CSMD2: variants seen among roughly 807,000 people sequenced by gnomAD.
The protein encoded by CSMD2 is CUB and sushi domain-containing protein 2.
CSMD2 carries 130 observed loss-of-function variants against 398.5 expected under a neutral mutation model. The observed-to-expected ratio is 0.33, with a 90% CI of 0.28 to 0.38. The LOEUF is 0.38. Among genes scored for constraint, CSMD2 ranks in the 10% least tolerant of loss-of-function variants. The probability of loss-of-function intolerance (pLI) is 1.00; values close to 1 mark genes in which losing one functional copy is unlikely to be tolerated. For missense variants in CSMD2, 3,829 were observed against 4,764.9 expected, an observed-to-expected ratio of 0.80 and a Z score of 5.78; for synonymous variants, 1,828 against 1,908.5, an observed-to-expected ratio of 0.96 and a Z score of 1.10.
intron 37 of CSMD2, among the ~76,000 whole-genome samples, chr1:33,618,027 CAGAG>C (rs71571757): frequency 6.6e-6 from 1 of 150,494 alleles, no homozygotes; most frequent in Non-Finnish European, 1.5e-5. Context: ...GACAGAGAGA[CAGAG>C]AGAGAGAGAG....
At chr1:34,103,187 C>T (rs1449025881) in intron 1 of CSMD2, among the ~76,000 whole-genome samples, 3 of 151,602 alleles carry the variant, frequency 2.0e-5, no homozygotes, top group Non-Finnish European at 4.4e-5. Flanking sequence ...ATCAAGTATT[C>T]GTCCACTCCT....
intron 3 of CSMD2, among the ~76,000 whole-genome samples, chr1:34,029,250 AG>A: frequency 6.6e-6 from 1 of 152,216 alleles, no homozygotes; most frequent in South Asian, 2.1e-4. Flanking sequence ...TCTGCAATGG[AG>A]GAAGGGGGCT....
At chr1:34,066,769 G>A (rs1655162226) in intron 2 of CSMD2, among the ~76,000 whole-genome samples, 1 of 152,158 alleles carries the variant, frequency 6.6e-6, no homozygotes, top group South Asian at 2.1e-4. Context: ...CCTGGTCCTA[G>A]AATGCTCAGT....
intron 5 of CSMD2, among the ~76,000 whole-genome samples, chr1:33,904,309 G>A (rs1488850306): frequency 3.3e-5 from 5 of 152,214 alleles, no homozygotes; most frequent in Non-Finnish European, 7.3e-5. Flanking sequence ...CGTGGAGAAG[G>A]CTAAGAGAAC....
At chr1:33,921,107 G>A (rs1022256557) in intron 4 of CSMD2, among the ~76,000 whole-genome samples, 5 of 152,118 alleles carry the variant, frequency 3.3e-5, no homozygotes, top group African/African-American at 1.2e-4. Flanking sequence ...GAAGGTCCTT[G>A]AATGCCGAGT....
rs899375218 is a variant in CSMD2, at chr1:33,537,877, A to G, written c.9632-268T>C. Reference sequence around the variant, plus strand: ...AGGAAGTTTAGAACATGAAAGAGAAATAAACGAAAATCCCACTATTCAAAA... The same window carrying G: ...AGGAAGTTTAGAACATGAAAGAGAAGTAAACGAAAATCCCACTATTCAAAA... On this transcript the variant is annotated intron_variant, in intron 60 of 70. Coordinates refer to ENST00000373381, the MANE Select transcript of CSMD2 (RefSeq NM_001281956.2). The surrounding 1 kb of genome is among the most constrained non-coding windows in gnomAD (Gnocchi z 4.6). Among the ~76,000 whole-genome samples, 1 of 152,244 alleles carries G rather than the reference A, an allele frequency of 6.6e-6. No homozygotes were observed. The highest frequency in any genetic ancestry group is 1.5e-5 in the Non-Finnish European group (1 of 68,050).
At chr1:34,106,510 A>T (rs545336307) in intron 1 of CSMD2, among the ~76,000 whole-genome samples, 1 of 152,172 alleles carries the variant, frequency 6.6e-6, no homozygotes, top group South Asian at 2.1e-4. Context: ...CAAAAGCAAA[A>T]CCCAGGCTCT....
chr1:34,031,908 A>G (rs1477410940), intron 3 of CSMD2, among the ~76,000 whole-genome samples: 3 of 152,094 alleles, frequency 2.0e-5, no homozygotes, highest in Non-Finnish European at 4.4e-5. Context: ...TGCAGGTCTT[A>G]GCCAAGAGTG....
chr1:33,948,177 C>T (rs544207073), intron 3 of CSMD2, among the ~76,000 whole-genome samples: 2 of 152,326 alleles, frequency 1.3e-5, no homozygotes, highest in African/African-American at 4.8e-5. Flanking sequence ...CCTGCCTCAT[C>T]CATTAATTTT....
chr1:34,020,281 C>G (rs990678230), intron 3 of CSMD2, among the ~76,000 whole-genome samples: 1 of 152,208 alleles, frequency 6.6e-6, no homozygotes, highest in African/African-American at 2.4e-5. Flanking sequence ...GCCCTGTCCC[C>G]TCCACTTCCC....
intron 44 of CSMD2, among the ~76,000 whole-genome samples, 178 bp from the exon 45 acceptor site, chr1:33,587,346 C>T (rs1639157213): frequency 6.6e-6 from 1 of 152,134 alleles, no homozygotes; most frequent in African/African-American, 2.4e-5. Flanking sequence ...CTTCTGTCAT[C>T]CTTATTGAAA....
intron 5 of CSMD2, among the ~76,000 whole-genome samples, chr1:33,852,948 T>G (rs1456690645): frequency 1.3e-5 from 2 of 152,198 alleles, no homozygotes; most frequent in African/African-American, 4.8e-5. Flanking sequence ...CCCAAAATAT[T>G]TATTTTCTGG....
intron 60 of CSMD2, among the ~76,000 whole-genome samples, chr1:33,539,184 T>C (rs1023885692): frequency 6.6e-6 from 1 of 152,168 alleles, no homozygotes; most frequent in African/African-American, 2.4e-5. Flanking sequence ...GCCAGGACGG[T>C]CTCAATCTCC....
At chr1:33,790,316 G>C (rs1416722830) in intron 11 of CSMD2, among the ~76,000 whole-genome samples, 1 of 152,204 alleles carries the variant, frequency 6.6e-6, no homozygotes, top group African/African-American at 2.4e-5. Flanking sequence ...GAAATCGACA[G>C]ACTGAGTAAA....
At chr1:34,035,726 A>T (rs749753883) in intron 2 of CSMD2, among the ~76,000 whole-genome samples, 24 of 150,036 alleles carry the variant, frequency 1.6e-4, no homozygotes, top group Non-Finnish European at 2.8e-4. Context: ...TGAAGTTGAT[A>T]AAGAACATCT....
intron 3 of CSMD2, among the ~76,000 whole-genome samples, chr1:33,963,445 CTT>C (rs942697926): frequency 3.9e-5 from 6 of 152,168 alleles, no homozygotes; most frequent in Admixed American, 2.6e-4. Flanking sequence ...AAAATGTACA[CTT>C]TGTTACATTT....
intron 9 of CSMD2, among the ~76,000 whole-genome samples, chr1:33,817,627 G>C (rs1220048784): frequency 6.6e-6 from 1 of 152,250 alleles, no homozygotes; most frequent in Admixed American, 6.5e-5. Context: ...TATGTGGACA[G>C]TGCCCAGCAG....
intron 1 of CSMD2, among the ~76,000 whole-genome samples, chr1:34,117,739 GA>G (rs1259273006): frequency 6.6e-6 from 1 of 151,908 alleles, no homozygotes; most frequent in Non-Finnish European, 1.5e-5. Flanking sequence ...ACTAGCAAAT[GA>G]AATTCAACAA....
rs140624350 is a variant in CSMD2 at position 33,638,700 on chromosome 1, A to G, written c.4775-2146T>C. Among the ~76,000 whole-genome samples, 18 of 152,284 alleles carry G rather than the reference A, an allele frequency of 1.2e-4. No homozygotes were observed. The East Asian group carries it at 3.5e-3, about 29-fold the overall frequency. ...TCGTCTCTATGCTAGCTTTGCTCCAACGACACTGGCCTCTGGTCTTTGTGG... is the reference window on the plus strand; with the variant it reads ...TCGTCTCTATGCTAGCTTTGCTCCAGCGACACTGGCCTCTGGTCTTTGTGG... On this transcript the variant is annotated intron_variant, in intron 29 of 70. Coordinates refer to ENST00000373381, the MANE Select transcript of CSMD2 (RefSeq NM_001281956.2).
Sources: allele counts gnomAD v4.1 joint callset (sites outside exome capture counted in the v4.1 genomes callset), GRCh38; gene constraint gnomAD v4.1.1; non-coding constraint Gnocchi (gnomAD v3.1); transcripts MANE v1.5; gene names NCBI Gene and HGNC (gene_info 2026-07-23, HGNC 2026-07-21).